Variants in LY6G6C observed in about 807,000 individuals in gnomAD.
The protein encoded by LY6G6C is lymphocyte antigen 6 family member G6C, also known as lymphocyte antigen 6 complex locus protein G6c.
In LY6G6C, 12 loss-of-function variants were observed where a neutral mutation model predicts 12.8. The ratio of observed to expected loss-of-function variants is 0.94; its 90% CI spans 0.60 to 1.52. The LOEUF (loss-of-function observed/expected upper bound fraction) is 1.52. Ranked by LOEUF, LY6G6C falls within the 40% of genes most tolerant of loss-of-function variation. The pLI is 0.00. For missense variants in LY6G6C, 125 were observed against 155.8 expected (o/e 0.80, Z 1.05); for synonymous variants, 42 against 61.6 (o/e 0.68, Z 1.49).
At chr6:31,719,533 GTTTTTTGT>G (rs1380286536) in intron 2 of LY6G6C, among the ~76,000 whole-genome samples, 1 of 151,990 alleles carries the variant, frequency 6.6e-6, no homozygotes, top group African/African-American at 2.4e-5. Flanking sequence ...TACTGTCTCT[GTTTTTTGT>G]TTTTTTGTTT....
chr6:31,721,574 G>A (rs1252309104), intron 1 of LY6G6C, 54 bp downstream of exon 1: 1 of 1,546,078 alleles, frequency 6.5e-7, no homozygotes, highest in African/African-American at 1.4e-5. Context: ...GGTAGAGCAG[G>A]GTGTAAAGGT....
At position 31,718,975 on chromosome 6, in the gene LY6G6C, G is replaced by C; in HGVS notation, c.*121C>G. The C allele has an allele frequency of 1.2e-6, 1 of 818,624 alleles. No individual in the cohort carries two copies. The highest frequency in any genetic ancestry group is 2.0e-6 in the Non-Finnish European group (1 of 501,070). 50.7% of individuals were successfully genotyped at this position (818,624 alleles called of 1,614,324 possible). On this transcript the variant is annotated 3_prime_UTR_variant, in exon 3 of 3. Transcript: ENST00000375819. ...GGATGAGGAGACCACTCGGAACAGT[G>C]TTTAATTAAAGAAATGGGAGCTAGG...
At position 31,719,052 on chromosome 6, in the gene LY6G6C, C is replaced by T; in HGVS notation, c.*44G>A. 26 of 1,541,856 alleles carry T rather than the reference C, an allele frequency of 1.7e-5. No individual in the cohort carries two copies. Among genetic ancestry groups the T allele is most frequent in the Non-Finnish European group, 2.3e-5 (26 of 1,118,550 alleles). On this transcript the variant is annotated 3_prime_UTR_variant, in exon 3 of 3. Transcript: ENST00000375819. ...ATACAGAGACACAGGGAGAGAGGCTCAGGCCAAGGCAGGTGGGAGGAGGGG... is the reference window on the plus strand; with the variant it reads ...ATACAGAGACACAGGGAGAGAGGCTTAGGCCAAGGCAGGTGGGAGGAGGGG...
rs369482076 is a variant in LY6G6C, at chr6:31,719,249, G to A, written c.225C>T (p.Ala75=). Residue 75 remains alanine, a synonymous_variant, in exon 3 of 3, where the codon GCC becomes GCT. Transcript: ENST00000375819. ...CGTPEEPCQE[A]FNQTNRKLGL... The stretch of plus-strand genomic sequence containing the variant: ...CCAGCTTGCGGTTGGTTTGGTTGAA[G>A]GCCTCCTGACAGGGCTCTTCTGGTG... 3.0e-5 allele frequency: 48 copies of A among 1,614,096 alleles called. No homozygotes were observed. Among genetic ancestry groups the A allele is most frequent in the Non-Finnish European group, 4.1e-5 (48 of 1,180,042 alleles).
chr6:31,719,403 T>C, intron 2 of LY6G6C, 93 bp from the exon 3 acceptor site: 1 of 1,078,364 alleles, frequency 9.3e-7, no homozygotes, highest in Non-Finnish European at 1.4e-6. Context: ...TAGGCTTCCT[T>C]CCTTCCCAAC....
Position 31,720,384 on chromosome 6 carries a change from G to A in LY6G6C, c.53-181C>T, listed in dbSNP as rs144557138. Among the ~76,000 whole-genome samples, 490 of 152,294 alleles carry A rather than the reference G, an allele frequency of 3.2e-3. 3 individuals carry two copies. The South Asian group carries it at 0.034, about 10-fold the overall frequency. ...GATGCAGGGAAAATGGAAAGTGGGC[G>A]GCAGGTAAGGGTAGAGCTGTTGCTT... On this transcript the variant is annotated intron_variant, in intron 1 of 2. Coordinates refer to ENST00000375819, the MANE Select transcript of LY6G6C (RefSeq NM_025261.3). This position sits in a 1 kb window ranked among gnomAD's most constrained non-coding sequence, Gnocchi z 4.9.
At chr6:31,719,389 C>T (rs1583806098) in intron 2 of LY6G6C, 79 bp from the exon 3 acceptor site, 1 of 1,244,122 alleles carries the variant, frequency 8.0e-7, no homozygotes, top group Non-Finnish European at 1.2e-6. Context: ...CCCATCCACC[C>T]ACCTAGGCTT....
Position 31,721,636 on chromosome 6 carries a change from C to G in LY6G6C, c.44G>C (p.Trp15Ser). The G allele has an allele frequency of 6.2e-7, 1 of 1,613,830 alleles. No homozygotes were observed. Among genetic ancestry groups the G allele is most frequent in the Non-Finnish European group, 8.5e-7 (1 of 1,179,888 alleles). The stretch of plus-strand genomic sequence containing the variant: ...GGCCCCCAGGTGCTCACCTGAGACC[C>G]AGCAGAGCAGAACAGACAGGGTGAG... ...MLLTLSVLLC[W>S]VSADIRCHSC... Residue 15 changes from tryptophan to serine, a missense_variant, in exon 1 of 3, where the codon TGG becomes TCG. Coordinates refer to ENST00000375819, the MANE Select transcript of LY6G6C (RefSeq NM_025261.3).
rs543842852 is a variant in LY6G6C, at chr6:31,720,382, G to A, written c.53-179C>T. ...GTGATGCAGGGAAAATGGAAAGTGG[G>A]CGGCAGGTAAGGGTAGAGCTGTTGC... On this transcript the variant is annotated intron_variant, in intron 1 of 2. Coordinates refer to ENST00000375819, the MANE Select transcript of LY6G6C (RefSeq NM_025261.3). The surrounding 1 kb of genome is among the most constrained non-coding windows in gnomAD (Gnocchi z 4.9). Among the ~76,000 whole-genome samples, 1 of 152,320 alleles carries A rather than the reference G, an allele frequency of 6.6e-6. No individual in the cohort carries two copies. Among genetic ancestry groups the A allele is most frequent in the East Asian group, 1.9e-4 (1 of 5,190 alleles).
chr6:31,719,759 A>G (rs1294678271), intron 2 of LY6G6C, among the ~76,000 whole-genome samples: 2 of 151,024 alleles, frequency 1.3e-5, no homozygotes, highest in Non-Finnish European at 3.0e-5. Context: ...CTGGTCTTGA[A>G]CTCCTGACCT....
rs1341515191 is a variant in LY6G6C, at chr6:31,718,964, C to T, written c.*132G>A. ...GTGGGAAGGATGGATGAGGAGACCACTCGGAACAGTGTTTAATTAAAGAAA... is the reference window on the plus strand; with the variant it reads ...GTGGGAAGGATGGATGAGGAGACCATTCGGAACAGTGTTTAATTAAAGAAA... On this transcript the variant is annotated 3_prime_UTR_variant, in exon 3 of 3. Coordinates refer to ENST00000375819, the MANE Select transcript of LY6G6C (RefSeq NM_025261.3). 3 of 751,252 alleles carry T rather than the reference C, an allele frequency of 4.0e-6. No homozygotes were observed. Among genetic ancestry groups the T allele is most frequent in the African/African-American group, 1.7e-5 (1 of 57,296 alleles). The allele number at this position is 751,252 out of a possible 1,614,324, so 46.5% of individuals were successfully genotyped here.
chr6:31,718,758 C>G lies in LY6G6C; in HGVS notation c.*338G>C, dbSNP rs1305994873. ...GCTCTGTACAGTGAGGTCATCAGGT[C>G]CTTGTGGGAGCCTTCACTGGGGACA... is the stretch of plus-strand genomic sequence containing the variant. On this transcript the variant is annotated 3_prime_UTR_variant, in exon 3 of 3. Transcript: ENST00000375819. The G allele has an allele frequency of 2.4e-6, 1 of 418,538 alleles. No individual in the cohort carries two copies. Among genetic ancestry groups the G allele is most frequent in the Non-Finnish European group, 4.3e-6 (1 of 231,992 alleles). 25.9% of individuals were successfully genotyped at this position (418,538 alleles called of 1,614,324 possible).
chr6:31,719,367 C>A, intron 2 of LY6G6C, 57 bp from the exon 3 acceptor site: 1 of 1,454,396 alleles, frequency 6.9e-7, no homozygotes, highest in Admixed American at 1.7e-5. Flanking sequence ...ATGCCTGTGT[C>A]CACCTCCCCA....
Position 31,720,156 on chromosome 6 carries a change from C to T in LY6G6C, c.100G>A (p.Val34Met). 1 of 1,613,140 alleles carries T rather than the reference C, an allele frequency of 6.2e-7. No individual in the cohort carries two copies. The highest frequency in any genetic ancestry group is 8.5e-7 in the Non-Finnish European group (1 of 1,180,016). ...SCYKVPVLGC[V>M]DRQSCRLEPG... The stretch of plus-strand genomic sequence containing the variant: ...TCCAGGCGGCAGGACTGCCGGTCCA[C>T]ACAGCCCAGCACAGGGACCTTGTAG... The change falls in exon 2 of 3, where the codon GTG (valine) becomes ATG (methionine). Residue 34 changes from valine to methionine, a missense_variant. By Grantham distance (21) the Val-to-Met change is conservative. Coordinates refer to ENST00000375819, the MANE Select transcript of LY6G6C (RefSeq NM_025261.3). The surrounding 1 kb of genome is among the most constrained non-coding windows in gnomAD (Gnocchi z 4.9).
intron 2 of LY6G6C, 82 bp from the exon 3 acceptor site, chr6:31,719,392 C>T: frequency 8.3e-7 from 1 of 1,205,332 alleles, no homozygotes; most frequent in South Asian, 1.2e-5. Context: ...ATCCACCCAC[C>T]TAGGCTTCCT....
Position 31,721,703 on chromosome 6 carries a change from C to G in LY6G6C, c.-24G>C, listed in dbSNP as rs1450778015. The G allele has an allele frequency of 6.2e-7, 1 of 1,612,928 alleles. No individual in the cohort carries two copies. Among genetic ancestry groups the G allele is most frequent in the African/African-American group, 1.3e-5 (1 of 74,884 alleles). On this transcript the variant is annotated 5_prime_UTR_variant, in exon 1 of 3. Transcript: ENST00000375819. ...ATGGCGAGGGTCCTGAGAATGGTGG[C>G]AACCACAGCAGCTGATAGAGTAGAT...
chr6:31,719,671 G>A (rs1806679496), intron 2 of LY6G6C, among the ~76,000 whole-genome samples: 1 of 152,096 alleles, frequency 6.6e-6, no homozygotes, highest in Admixed American at 6.5e-5. Context: ...CGAGTAGCTG[G>A]GATTACAGGC....
chr6:31,719,360 C>T, intron 2 of LY6G6C, 50 bp from the exon 3 acceptor site: 3 of 1,513,338 alleles, frequency 2.0e-6, no homozygotes, highest in East Asian at 4.5e-5. Flanking sequence ...ACCTGGCATG[C>T]CTGTGTCCAC....
intron 1 of LY6G6C, 47 bp downstream of exon 1, chr6:31,721,581 A>T: frequency 6.3e-7 from 1 of 1,586,320 alleles, no homozygotes; most frequent in Non-Finnish European, 8.6e-7. Flanking sequence ...CAGGGTGTAA[A>T]GGTCCTGACC....
Sources: allele counts gnomAD v4.1 joint callset (sites outside exome capture counted in the v4.1 genomes callset), GRCh38; gene constraint gnomAD v4.1.1; non-coding constraint Gnocchi (gnomAD v3.1); transcripts MANE v1.5; gene names NCBI Gene and HGNC (gene_info 2026-07-23, HGNC 2026-07-21).